Variants in KIAA0319 observed in about 807,000 individuals in gnomAD.
KIAA0319 encodes the protein KIAA0319.
A neutral mutation model predicts 108.4 loss-of-function variants in KIAA0319; 83 were observed. The observed-to-expected ratio is 0.77, with a 90% CI of 0.64 to 0.92. The LOEUF is 0.92. KIAA0319 is among the 40% of genes least tolerant of loss of function. The pLI is 0.00. For missense variants in KIAA0319, 1,195 were observed against 1,322.4 expected (o/e 0.90, Z 1.49); for synonymous variants, 484 against 510.4 (o/e 0.95, Z 0.70).
Position 24,599,275 on chromosome 6 carries a change from C to A in KIAA0319, c.55+1774G>T. ...CTGTGTTATACAAAGATGGAGATCT[C>A]TGAGATGAATCAGAACATCAGCCGG... is the stretch of plus-strand genomic sequence containing the variant. On this transcript the variant is annotated intron_variant, in intron 2 of 20. Transcript: ENST00000378214. The surrounding 1 kb of genome is among the most constrained non-coding windows in gnomAD (Gnocchi z 4.1). 2.0e-6 allele frequency: 1 copy of A among 492,890 alleles called. No homozygotes were observed. Among genetic ancestry groups the A allele is most frequent in the East Asian group, 4.1e-5 (1 of 24,450 alleles). 30.5% of individuals were successfully genotyped at this position (492,890 alleles called of 1,614,324 possible).
chr6:24,637,439 C>G (rs1776341978), intron 1 of KIAA0319, among the ~76,000 whole-genome samples: 1 of 152,192 alleles, frequency 6.6e-6, no homozygotes, highest in East Asian at 1.9e-4. Context: ...ATCCCTCTGT[C>G]TTCTTTTTGT....
chr6:24,601,948 T>C (rs553444670), intron 1 of KIAA0319, among the ~76,000 whole-genome samples: 2 of 152,338 alleles, frequency 1.3e-5, no homozygotes, highest in South Asian at 4.1e-4. Flanking sequence ...CTGGCCATTG[T>C]CTGCTTTTAT....
chr6:24,575,719 G>T (rs190824068), intron 10 of KIAA0319, among the ~76,000 whole-genome samples: 95 of 152,020 alleles, frequency 6.2e-4, no homozygotes, highest in African/African-American at 2.0e-3. Flanking sequence ...AAGGAGAAAA[G>T]GAAGATGGAA....
At chr6:24,582,862 A>G (rs1406822881) in intron 5 of KIAA0319, among the ~76,000 whole-genome samples, 1 of 152,170 alleles carries the variant, frequency 6.6e-6, no homozygotes, top group Non-Finnish European at 1.5e-5. Flanking sequence ...AAACATGTCT[A>G]TGTTAAGATG....
At chr6:24,612,052 A>G (rs1227072565) in intron 1 of KIAA0319, among the ~76,000 whole-genome samples, 1 of 148,214 alleles carries the variant, frequency 6.7e-6, no homozygotes, top group East Asian at 1.9e-4. Context: ...TGTTTCAAAA[A>G]AAAAAAAAAG....
chr6:24,614,662 T>A (rs1772886495), intron 1 of KIAA0319, among the ~76,000 whole-genome samples: 1 of 152,168 alleles, frequency 6.6e-6, no homozygotes, highest in Non-Finnish European at 1.5e-5. Flanking sequence ...ATGTCTGACA[T>A]CATAGAATAT....
intron 1 of KIAA0319, among the ~76,000 whole-genome samples, chr6:24,623,481 T>A (rs1774253551): frequency 6.6e-6 from 1 of 152,064 alleles, no homozygotes; most frequent in Non-Finnish European, 1.5e-5. Flanking sequence ...CTAGACATCT[T>A]GATAAAAGTT....
chr6:24,596,331 C>A lies in KIAA0319; in HGVS notation c.343G>T (p.Asp115Tyr). 6.2e-7 allele frequency: 1 copy of A among 1,614,208 alleles called. No individual in the cohort carries two copies. Among genetic ancestry groups the A allele is most frequent in the South Asian group, 1.1e-5 (1 of 91,086 alleles). ...CTGTTCAGCATCATGTCCCCATAGT[C>A]CAGCAGCTGTGCAGGCCTCTGAACA... is the stretch of plus-strand genomic sequence containing the variant. ...RPVQRPAQLL[D>Y]YGDMMLNRGS... Residue 115 changes from aspartate (D) to tyrosine (Y), a missense_variant, in exon 3 of 21, where the codon GAC (aspartate) becomes TAC (tyrosine). Physicochemically the swap from Asp to Tyr is radical, Grantham distance 160. Transcript: ENST00000378214.
intron 19 of KIAA0319, among the ~76,000 whole-genome samples, chr6:24,553,286 TATA>T: frequency 1.2e-5 from 1 of 82,618 alleles, no homozygotes; most frequent in African/African-American, 5.4e-5. Context: ...TATATATATA[TATA>T]TATATACACA....
At position 24,554,717 on chromosome 6, in the gene KIAA0319, G is replaced by A. The variant is rs551536766; in HGVS notation, c.2858-86C>T. ...TTGATGATTCATAACAACTATTTCT[G>A]AATCCCTACAAGGAAAGGCCACCTG... On this transcript the variant is annotated intron_variant, in intron 18 of 20. Transcript: ENST00000378214. 2.2e-5 allele frequency: 22 copies of A among 990,640 alleles called. No individual in the cohort carries two copies. The East Asian group carries it at 5.2e-4, about 24-fold the overall frequency. 61.4% of individuals were successfully genotyped at this position (990,640 alleles called of 1,614,324 possible). A position where few individuals can be genotyped will look rare whatever the true frequency, so the allele number is the denominator to read the frequency against.
chr6:24,567,700 C>G (rs1269122302), intron 13 of KIAA0319, among the ~76,000 whole-genome samples: 3 of 151,984 alleles, frequency 2.0e-5, no homozygotes, highest in Admixed American at 1.3e-4. Context: ...GACCCTGGGT[C>G]TATTTTAAAA....
chr6:24,639,289 A>C (rs7760198), intron 1 of KIAA0319, among the ~76,000 whole-genome samples: 1 of 152,110 alleles, frequency 6.6e-6, no homozygotes, highest in South Asian at 2.1e-4. Flanking sequence ...AAAGACAGAT[A>C]ATCTTAAAAG....
At chr6:24,616,026 A>G (rs551041956) in intron 1 of KIAA0319, among the ~76,000 whole-genome samples, 1 of 152,358 alleles carries the variant, frequency 6.6e-6, no homozygotes, top group South Asian at 2.1e-4. Flanking sequence ...AGTGCTTTCT[A>G]GAACTGAAAG....
intron 1 of KIAA0319, among the ~76,000 whole-genome samples, chr6:24,636,672 C>T (rs898522370): frequency 6.6e-6 from 1 of 152,156 alleles, no homozygotes; most frequent in Non-Finnish European, 1.5e-5. Context: ...AAATGAATAA[C>T]TCATTTTAAA....
intron 11 of KIAA0319, among the ~76,000 whole-genome samples, chr6:24,570,753 C>T (rs1346990591): frequency 2.0e-5 from 3 of 151,678 alleles, no homozygotes; most frequent in African/African-American, 7.3e-5. Flanking sequence ...AGGGAGGGGA[C>T]GTTGATGTGA....
chr6:24,620,618 C>T (rs931570471), intron 1 of KIAA0319, among the ~76,000 whole-genome samples: 3 of 152,110 alleles, frequency 2.0e-5, no homozygotes, highest in African/African-American at 7.2e-5. Context: ...TGTGTTTTTG[C>T]TTTTTTTCTA....
chr6:24,643,078 T>G (rs1028113680), intron 1 of KIAA0319, among the ~76,000 whole-genome samples: 7 of 152,178 alleles, frequency 4.6e-5, no homozygotes, highest in African/African-American at 1.7e-4. Flanking sequence ...TTCTACAATA[T>G]TATTTAGAAG....
chr6:24,607,281 G>T (rs1343063260), intron 1 of KIAA0319, among the ~76,000 whole-genome samples: 1 of 152,152 alleles, frequency 6.6e-6, no homozygotes, highest in African/African-American at 2.4e-5. Flanking sequence ...ACTTGAATCC[G>T]GGAGGTGGAG....
At chr6:24,603,942 A>G (rs1771038763) in intron 1 of KIAA0319, among the ~76,000 whole-genome samples, 1 of 152,060 alleles carries the variant, frequency 6.6e-6, no homozygotes, top group African/African-American at 2.4e-5. Flanking sequence ...ATCACTGGCC[A>G]TGCTCTGGGT....
Sources: gnomAD v4.1 joint callset for allele counts (sites outside exome capture counted in the v4.1 genomes callset) on GRCh38, gnomAD v4.1.1 for gene constraint, Gnocchi (gnomAD v3.1) non-coding constraint, MANE v1.5 for transcripts, NCBI Gene and HGNC (gene_info 2026-07-23, HGNC 2026-07-21) for gene names.